The following COBLL1 variants were observed in gnomAD, a reference collection of about 807,000 sequenced individuals.
COBLL1 encodes cordon-bleu protein-like 1.
A neutral mutation model predicts 94.8 loss-of-function variants in COBLL1; 50 were observed. That is an observed-to-expected ratio of 0.53 (90% CI 0.42 to 0.67). The LOEUF (loss-of-function observed/expected upper bound fraction) is 0.67. COBLL1 is among the 30% of genes least tolerant of loss of function. The pLI is 0.00. For synonymous variants in COBLL1, 448 were observed against 473.8 expected, an observed-to-expected ratio of 0.95 and a Z score of 0.71; for missense variants, 1,362 against 1,348.7, an observed-to-expected ratio of 1.01 and a Z score of -0.15.
rs555113117 is a variant in COBLL1 at position 164,799,019 on chromosome 2, CAAAA to C, written c.41+42133_41+42136del. 5.7e-5 allele frequency among the ~76,000 whole-genome samples: 4 copies of C among 69,832 alleles called. 1 individual carries two copies. Among genetic ancestry groups the C allele is most frequent in the African/African-American group, 2.7e-4 (4 of 14,740 alleles). The allele number at this position is 69,832 out of a possible 152,430, so 45.8% of individuals were successfully genotyped here. ...TGGGTGACAGAGCAAGACTCCGTCTCAAAAAAAAAAAAAAAAAAAGAGGGGGTAA... is the reference window on the plus strand; with the variant it reads ...TGGGTGACAGAGCAAGACTCCGTCTCAAAAAAAAAAAAAAAGAGGGGGTAA... On this transcript the variant is annotated intron_variant, in intron 2 of 13. Transcript: ENST00000652658.
intron 13 of COBLL1, among the ~76,000 whole-genome samples, 165 bp downstream of exon 13, chr2:164,692,056 T>C (rs563119155): frequency 5.3e-5 from 8 of 152,178 alleles, no homozygotes; most frequent in Non-Finnish European, 8.8e-5. Flanking sequence ...ATTTTTCAAG[T>C]ACGTGTAAGA....
At chr2:164,807,889 G>A (rs62175562) in intron 2 of COBLL1, among the ~76,000 whole-genome samples, 20,514 of 151,940 alleles carry the variant, frequency 0.14, 1,609 homozygotes, top group Admixed American at 0.19. Flanking sequence ...GCAATATCTC[G>A]GCTCACTGCA....
chr2:164,822,770 T>C (rs926089349), intron 2 of COBLL1, among the ~76,000 whole-genome samples: 3 of 143,492 alleles, frequency 2.1e-5, no homozygotes, highest in Admixed American at 2.1e-4. Flanking sequence ...ATTATTATTA[T>C]TATTATTATT....
rs143738592 is a variant in COBLL1 at position 164,695,536 on chromosome 2, T to C, written c.1856A>G (p.Asp619Gly). 2.5e-6 allele frequency: 4 copies of C among 1,613,872 alleles called. No individual in the cohort carries two copies. The African/African-American group carries it at 5.3e-5, about 22-fold the overall frequency. The change falls in exon 12 of 14, where the codon GAT becomes GGT. Residue 619 changes from aspartate (D) to glycine (G), a missense_variant. By Grantham distance (94) the Asp-to-Gly change is moderately conservative (BLOSUM62 -1). Transcript: ENST00000652658. Reference sequence around the variant, plus strand: ...AACTTTGGAGTCAGATAAATTATGATCTTGGTGTTTCCCATCAAAACTGTT... The same window carrying C: ...AACTTTGGAGTCAGATAAATTATGACCTTGGTGTTTCCCATCAAAACTGTT... ...SCNSFDGKHQDHNLSDSKVEE... is the reference protein window; with the variant it reads ...SCNSFDGKHQGHNLSDSKVEE...
In COBLL1 at chr2:164,699,511, G is replaced by C; in HGVS notation, c.1461-12C>G. The C allele has an allele frequency of 6.8e-7, 1 of 1,479,796 alleles. No homozygotes were observed. Among genetic ancestry groups the C allele is most frequent in the Non-Finnish European group, 9.4e-7 (1 of 1,058,502 alleles). The allele number at this position is 1,479,796 out of a possible 1,614,324, so 91.7% of individuals were successfully genotyped here. On this transcript the variant is annotated splice_polypyrimidine_tract_variant and intron_variant, in intron 10 of 13. Transcript: ENST00000652658. ...CACTGTGTGGTTCTCTGGAAGATAC[G>C]ACATTGTATGTTATATGTTGATACT...
At chr2:164,757,726 C>G (rs1687482773) in intron 2 of COBLL1, among the ~76,000 whole-genome samples, 4 of 151,980 alleles carry the variant, frequency 2.6e-5, no homozygotes, top group Admixed American at 2.6e-4. Context: ...GTGGTAGGAT[C>G]ACCTGATCCT....
chr2:164,690,410 A>G (rs149689641), intron 13 of COBLL1, among the ~76,000 whole-genome samples: 283 of 152,338 alleles, frequency 1.9e-3, no homozygotes, highest in Non-Finnish European at 2.7e-3. Flanking sequence ...AAACAATTAT[A>G]GGATAATCAT....
Position 164,841,711 on chromosome 2 carries a change from T to C in COBLL1, c.-52A>G. 1 of 482,748 alleles carries C rather than the reference T, an allele frequency of 2.1e-6. No homozygotes were observed. The highest frequency in any genetic ancestry group is 3.2e-5 in the South Asian group (1 of 31,226). The allele number at this position is 482,748 out of a possible 1,614,324, so 29.9% of individuals were successfully genotyped here. ...TCTTTTCCCACCCAAGGCTCCTACG[T>C]TCTTTTCCAAAGGAGACAGTAGCTC... is the stretch of plus-strand genomic sequence containing the variant. On this transcript the variant is annotated splice_region_variant and 5_prime_UTR_variant, in exon 1 of 14. Coordinates refer to ENST00000652658, the MANE Select transcript of COBLL1 (RefSeq NM_001365672.2). This position sits in a 1 kb window ranked among gnomAD's most constrained non-coding sequence, Gnocchi z 5.5.
chr2:164,704,629 C>A, intron 8 of COBLL1, 111 bp from the exon 9 acceptor site: 1 of 868,690 alleles, frequency 1.2e-6, no homozygotes. Flanking sequence ...TGCTAGAAGC[C>A]ATTTTACTAT....
intron 7 of COBLL1, among the ~76,000 whole-genome samples, chr2:164,707,253 G>C (rs950226812): frequency 3.3e-5 from 5 of 152,008 alleles, no homozygotes; most frequent in Non-Finnish European, 5.9e-5. Context: ...TGATTCTCAT[G>C]CCTCAGCCTC....
At chr2:164,687,213 CTTT>C (rs879090827) in intron 13 of COBLL1, 692 of 341,854 alleles carry the variant, frequency 2.0e-3, no homozygotes, top group South Asian at 5.0e-3. Context: ...GACTTTCTTT[CTTT>C]TTTTTTTTTT....
At chr2:164,697,230 A>G (rs1220101865) in intron 11 of COBLL1, 2 of 152,146 alleles carry the variant, frequency 1.3e-5, no homozygotes, top group African/African-American at 4.8e-5. Flanking sequence ...TTAAACATGT[A>G]ATTTTAAAAT....
In COBLL1 at chr2:164,667,532, G is replaced by A. The variant is rs190231597; in HGVS notation, n.127-1631C>T. Reference sequence around the variant, plus strand: ...AAAATCTGTTATTTAGTGTAGCCCCGCCTTCATCAATGATCTAATCTAGAT... The same window carrying A: ...AAAATCTGTTATTTAGTGTAGCCCCACCTTCATCAATGATCTAATCTAGAT... On this transcript the variant is annotated intron_variant and non_coding_transcript_variant, in intron 1 of 2. Transcript: ENST00000495084. Among the ~76,000 whole-genome samples, 51 of 152,216 alleles carry A rather than the reference G, an allele frequency of 3.4e-4. No homozygotes were observed. In the East Asian group the frequency reaches 8.9e-3, roughly 26 times the overall value.
intron 1 of COBLL1, among the ~76,000 whole-genome samples, chr2:164,668,170 G>C (rs1026762772): frequency 6.6e-5 from 10 of 151,930 alleles, no homozygotes; most frequent in African/African-American, 2.4e-4. Context: ...CACCATGTTG[G>C]CCAGGCTGGT....
chr2:164,710,413 C>G (rs1444548989), intron 7 of COBLL1, among the ~76,000 whole-genome samples: 3 of 152,068 alleles, frequency 2.0e-5, no homozygotes, highest in Non-Finnish European at 4.4e-5. Flanking sequence ...GCTCCAAACC[C>G]AGGAATGACT....
chr2:164,711,136 A>G (rs1684878418), intron 7 of COBLL1, among the ~76,000 whole-genome samples: 1 of 152,134 alleles, frequency 6.6e-6, no homozygotes, highest in African/African-American at 2.4e-5. Flanking sequence ...CGGCCTCCTC[A>G]TTCATGAAAA....
chr2:164,686,139 GATAAGT>G lies in COBLL1; in HGVS notation c.3301-113_3301-108del, dbSNP rs1260966728. 3 of 536,576 alleles carry G rather than the reference GATAAGT, an allele frequency of 5.6e-6. No individual in the cohort carries two copies. In the African/African-American group the frequency reaches 5.9e-5, roughly 11 times the overall value. The allele number at this position is 536,576 out of a possible 1,614,324, so 33.2% of individuals were successfully genotyped here. ...TTTTAACTTCTGCTTAATTGTAAAT[GATAAGT>G]ATCTATTATTCAATAAATTATAATC... On this transcript the variant is annotated intron_variant, in intron 13 of 13. Transcript: ENST00000652658.
In COBLL1 at chr2:164,694,834, A is replaced by C. The variant is rs1209198625; in HGVS notation, c.2558T>G (p.Phe853Cys). Residue 853 changes from phenylalanine to cysteine, a missense_variant, in exon 12 of 14, where the codon TTT becomes TGT. Phe to Cys is a radical substitution (Grantham distance 205). Transcript: ENST00000652658. ...EEINNILESK[F>C]KSRASNAQAK... ...CTGGGCATTTGAAGCCCGAGATTTA[A>C]ATTTTGATTCCAAAATATTGTTTAT... The C allele has an allele frequency of 4.3e-6, 7 of 1,613,870 alleles. No homozygotes were observed. Among genetic ancestry groups the C allele is most frequent in the Non-Finnish European group, 5.9e-6 (7 of 1,179,928 alleles).
chr2:164,704,958 C>A lies in COBLL1; in HGVS notation c.1144G>T (p.Val382Leu). The A allele has an allele frequency of 1.3e-6, 2 of 1,577,422 alleles. No homozygotes were observed. Among genetic ancestry groups the A allele is most frequent in the Non-Finnish European group, 8.6e-7 (1 of 1,165,598 alleles). Residue 382 changes from valine (V) to leucine (L), a missense_variant, in exon 8 of 14, where the codon GTG (valine) becomes TTG (leucine). Val to Leu is a conservative substitution (Grantham distance 32). Transcript: ENST00000652658. ...PPHQSDENSR[V>L]TALQPVDGVP... The stretch of plus-strand genomic sequence containing the variant: ...AATGAAACAACCACATTACCAGTCA[C>A]ACGACTATTTTCATCACTTTGATGC...
Sources: allele counts gnomAD v4.1 joint callset (sites outside exome capture counted in the v4.1 genomes callset), GRCh38; gene constraint gnomAD v4.1.1; non-coding constraint Gnocchi (gnomAD v3.1); transcripts MANE v1.5; gene names NCBI Gene and HGNC (gene_info 2026-07-23, HGNC 2026-07-21).